Variants in PVT1 observed in about 807,000 individuals in gnomAD.
PVT1 encodes the protein CXCR4/PVT1 fusion.
At chr8:127,958,753 G>A (rs1816601476) in intron 3 of PVT1, among the ~76,000 whole-genome samples, 1 of 152,190 alleles carries the variant, frequency 6.6e-6, no homozygotes, top group South Asian at 2.1e-4. Flanking sequence ...TGTGCCTTCT[G>A]TGGCTCGGTG....
At chr8:127,975,196 A>G (rs1816810235) in intron 3 of PVT1, among the ~76,000 whole-genome samples, 1 of 152,202 alleles carries the variant, frequency 6.6e-6, no homozygotes, top group African/African-American at 2.4e-5. Flanking sequence ...TTATTGAGTC[A>G]AAGGGCACAG....
In PVT1 at chr8:127,927,412, T is replaced by G. The variant is rs1586439755; in HGVS notation, n.782+36414T>G. On this transcript the variant is annotated intron_variant and non_coding_transcript_variant, in intron 3 of 10. Transcript: ENST00000651587. Reference sequence around the variant, plus strand: ...TTGTTCATGTACTTTCCTCCTGGGTTGCTCTTCCTTTTCTCTCTGACCTGT... The same window carrying G: ...TTGTTCATGTACTTTCCTCCTGGGTGGCTCTTCCTTTTCTCTCTGACCTGT... Among the ~76,000 whole-genome samples the G allele has an allele frequency of 2.0e-5, 3 of 152,326 alleles. No homozygotes were observed. The South Asian group carries it at 6.2e-4, about 32-fold the overall frequency.
At chr8:127,996,177 T>C (rs1470002305) in intron 4 of PVT1, among the ~76,000 whole-genome samples, 2 of 152,190 alleles carry the variant, frequency 1.3e-5, no homozygotes, top group Non-Finnish European at 2.9e-5. Context: ...CAGCAGGTTT[T>C]ATTCTTAAAT....
At chr8:127,942,798 G>A (rs1024679167) in intron 3 of PVT1, among the ~76,000 whole-genome samples, 3 of 152,172 alleles carry the variant, frequency 2.0e-5, no homozygotes, top group African/African-American at 4.8e-5. Context: ...GCTGCGCATC[G>A]ACTCTCCTGT....
intron 3 of PVT1, among the ~76,000 whole-genome samples, chr8:127,923,639 C>A (rs762048918): frequency 6.6e-6 from 1 of 152,170 alleles, no homozygotes; most frequent in East Asian, 1.9e-4. Flanking sequence ...CTGTTCACAT[C>A]ACATTAAAAG....
chr8:127,884,518 A>G (rs1034313437), intron 2 of PVT1, among the ~76,000 whole-genome samples: 1 of 152,194 alleles, frequency 6.6e-6, no homozygotes, highest in African/African-American at 2.4e-5. Context: ...GGGTTTGGGT[A>G]TATTCAGCAT....
At chr8:127,854,487 A>C (rs1815141441) in intron 2 of PVT1, among the ~76,000 whole-genome samples, 1 of 152,062 alleles carries the variant, frequency 6.6e-6, no homozygotes, top group East Asian at 1.9e-4. Flanking sequence ...GGGGTCCCAA[A>C]TTGTCATGTG....
At chr8:127,992,249 G>C (rs1817052259) in intron 4 of PVT1, among the ~76,000 whole-genome samples, 1 of 152,064 alleles carries the variant, frequency 6.6e-6, no homozygotes, top group Non-Finnish European at 1.5e-5. Flanking sequence ...AGCCAGGCAT[G>C]GTGGCACACG....
At position 127,821,634 on chromosome 8, in the gene PVT1, C is replaced by A. The variant is rs1814729859; in HGVS notation, n.372+25563C>A. ...GACCATCCTGGCTAACACGGTGAAA[C>A]CTCATCTCTACTAAAAATACACAAA... On this transcript the variant is annotated intron_variant and non_coding_transcript_variant, in intron 2 of 10. Coordinates refer to ENST00000651587, the Ensembl canonical transcript of PVT1. 2.0e-5 allele frequency among the ~76,000 whole-genome samples: 3 copies of A among 152,034 alleles called. No individual in the cohort carries two copies. In the South Asian group the frequency reaches 6.2e-4, roughly 32 times the overall value.
chr8:128,087,815 C>A (rs1469403569), intron 5 of PVT1, among the ~76,000 whole-genome samples: 1 of 132,664 alleles, frequency 7.5e-6, no homozygotes, highest in Admixed American at 9.5e-5. Flanking sequence ...TGCAGTGGAG[C>A]AATCTCGGCT....
intron 4 of PVT1, among the ~76,000 whole-genome samples, chr8:128,016,818 A>T (rs1175557301): frequency 2.0e-5 from 3 of 152,188 alleles, no homozygotes. Context: ...TGCTGTGGAA[A>T]CTTGAAGTTT....
intron 2 of PVT1, among the ~76,000 whole-genome samples, chr8:127,815,952 C>T (rs887594107): frequency 2.0e-5 from 3 of 152,048 alleles, no homozygotes; most frequent in African/African-American, 4.8e-5. Context: ...AGTGAAACCC[C>T]GTCTCTACTA....
chr8:127,951,398 TGGGTAGGAAACCCAGGGCAAG>T (rs945081263), intron 3 of PVT1, among the ~76,000 whole-genome samples: 3 of 152,146 alleles, frequency 2.0e-5, no homozygotes, highest in Non-Finnish European at 4.4e-5. Context: ...GGTAGGGCCC[TGGGTAGGAAACCCAGGGCAAG>T]GCCAGTGGGT....
chr8:128,043,409 T>G (rs1013796463), intron 4 of PVT1, among the ~76,000 whole-genome samples: 1 of 152,260 alleles, frequency 6.6e-6, no homozygotes, highest in Middle Eastern at 3.4e-3. Flanking sequence ...TGTTTTGTTT[T>G]GAAATCAGTG....
intron 3 of PVT1, among the ~76,000 whole-genome samples, chr8:127,943,610 A>G (rs1816380260): frequency 6.6e-6 from 1 of 152,152 alleles, no homozygotes; most frequent in Non-Finnish European, 1.5e-5. Context: ...TCGCAACCCC[A>G]GCTTCCAGTT....
intron 4 of PVT1, among the ~76,000 whole-genome samples, chr8:127,998,877 T>TCTCTC (rs34450198): frequency 6.3e-5 from 9 of 143,398 alleles, no homozygotes; most frequent in African/African-American, 2.4e-4. Context: ...CTCTCTCTCT[T>TCTCTC]TTTTTGGTGC....
chr8:127,980,887 C>T (rs1346219608), intron 3 of PVT1, among the ~76,000 whole-genome samples: 1 of 151,466 alleles, frequency 6.6e-6, no homozygotes, highest in Non-Finnish European at 1.5e-5. Flanking sequence ...AATTTTCACC[C>T]CCTGGGTTCA....
chr8:128,092,721 A>T lies in PVT1; in HGVS notation n.1115-3797A>T, dbSNP rs146714159. The stretch of plus-strand genomic sequence containing the variant: ...GGAGAGCTGGTGAAAGCCTTGAGAG[A>T]GGCAGAGACTGGCCAGCCTCACCCT... On this transcript the variant is annotated intron_variant and non_coding_transcript_variant, in intron 5 of 10. Transcript: ENST00000651587. Among the ~76,000 whole-genome samples, 106 of 152,286 alleles carry T rather than the reference A, an allele frequency of 7.0e-4. 1 individual carries two copies. Among genetic ancestry groups the T allele is most frequent in the African/African-American group, 2.5e-3 (102 of 41,548 alleles).
intron 4 of PVT1, among the ~76,000 whole-genome samples, chr8:128,047,195 A>T (rs896801111): frequency 5.3e-5 from 8 of 152,110 alleles, no homozygotes; most frequent in African/African-American, 1.9e-4. Flanking sequence ...GCTTCAGTGG[A>T]GATTTGCTAG....
Sources: allele counts gnomAD v4.1 joint callset (sites outside exome capture counted in the v4.1 genomes callset), GRCh38; gene constraint gnomAD v4.1.1; transcripts MANE v1.5; gene names NCBI Gene and HGNC (gene_info 2026-07-23, HGNC 2026-07-21).